The following EFCAB7 variants were observed in gnomAD, a reference collection of about 807,000 sequenced individuals.
The protein encoded by EFCAB7 is EF-hand calcium-binding domain-containing protein 7.
Under a neutral mutation model 77.1 loss-of-function variants are expected in EFCAB7, and 66 were observed. The observed-to-expected ratio is 0.86, with a 90% confidence interval of 0.70 to 1.05. The LOEUF is 1.05. EFCAB7 is among the 50% of genes least tolerant of loss of function. EFCAB7 has a pLI of 0.00. For missense variants in EFCAB7, 638 were observed against 730.5 expected, an observed-to-expected ratio of 0.87 and a Z score of 1.46; for synonymous variants, 225 against 243.3, an observed-to-expected ratio of 0.92 and a Z score of 0.70.
At chr1:63,584,803 T>A in the EFCAB7 span, among the ~76,000 whole-genome samples, 3 of 152,230 alleles carry the variant, frequency 2.0e-5, no homozygotes, top group Non-Finnish European at 4.4e-5. Context: ...ATAAGGCTTC[T>A]GGTCAACATA....
the EFCAB7 span, among the ~76,000 whole-genome samples, chr1:63,582,701 G>A: frequency 1.3e-5 from 2 of 152,268 alleles, no homozygotes; most frequent in South Asian, 2.1e-4. Flanking sequence ...TCTGCCTTCT[G>A]GGTTTAAGCA....
intron 2 of EFCAB7, 83 bp from the exon 3 acceptor site, chr1:63,531,737 A>T: frequency 1.8e-6 from 2 of 1,118,802 alleles, no homozygotes; most frequent in Non-Finnish European, 2.6e-6. Context: ...ATATCATAAT[A>T]CATAATGATT....
the EFCAB7 span, among the ~76,000 whole-genome samples, chr1:63,579,425 T>C: frequency 6.6e-6 from 1 of 152,210 alleles, no homozygotes; most frequent in Non-Finnish European, 1.5e-5. Flanking sequence ...AGTATTTTAT[T>C]ATATGATTGT....
At chr1:63,582,961 GTTTGATAATT>G in the EFCAB7 span, among the ~76,000 whole-genome samples, 1 of 152,216 alleles carries the variant, frequency 6.6e-6, no homozygotes, top group African/African-American at 2.4e-5. Context: ...GCAAAGGATG[GTTTGATAATT>G]TTTGAAAGAG....
chr1:63,552,413 AT>A (rs1646976706), intron 8 of EFCAB7, among the ~76,000 whole-genome samples: 1 of 152,120 alleles, frequency 6.6e-6, no homozygotes, highest in African/African-American at 2.4e-5. Context: ...TTTTCCCTAA[AT>A]GCAAGCAATT....
intron 6 of EFCAB7, among the ~76,000 whole-genome samples, chr1:63,541,055 A>C (rs1646823228): frequency 6.6e-6 from 1 of 152,326 alleles, no homozygotes; most frequent in African/African-American, 2.4e-5. Context: ...CAGAGTTATG[A>C]GAATAGGAGA....
chr1:63,575,137 A>G (rs1647375902), downstream of EFCAB7, among the ~76,000 whole-genome samples: 1 of 152,176 alleles, frequency 6.6e-6, no homozygotes, highest in Admixed American at 6.5e-5. Flanking sequence ...ATAGACTTAC[A>G]TGATCACTGT....
At chr1:63,525,789 C>T in intron 2 of EFCAB7, 30 bp downstream of exon 2, 1 of 1,440,334 alleles carries the variant, frequency 6.9e-7, no homozygotes, top group Non-Finnish European at 9.3e-7. Flanking sequence ...AAATCTTTCA[C>T]CTTTTTGTTG....
intron 2 of EFCAB7, among the ~76,000 whole-genome samples, chr1:63,526,490 A>AT (rs1280141597): frequency 1.3e-5 from 2 of 152,182 alleles, no homozygotes; most frequent in African/African-American, 4.8e-5. Flanking sequence ...AAACCCTGAC[A>AT]TATTTGTGCA....
At position 63,565,358 on chromosome 1, in the gene EFCAB7, CA is replaced by C. The variant is rs368587363; in HGVS notation, c.1498-2941del. Among the ~76,000 whole-genome samples, 35 of 129,246 alleles carry C rather than the reference CA, an allele frequency of 2.7e-4. No individual in the cohort carries two copies. The East Asian group carries it at 3.1e-3, about 12-fold the overall frequency. 84.8% of individuals were successfully genotyped at this position (129,246 alleles called of 152,430 possible). On this transcript the variant is annotated intron_variant, in intron 11 of 13. Transcript: ENST00000371088. ...TGGGCGAGAGTGCGAGACTCCGTCT[CA>C]AAAAAAAAAACAACAACAACAAAAA...
chr1:63,553,476 A>G (rs951451463), intron 8 of EFCAB7, among the ~76,000 whole-genome samples: 1 of 152,154 alleles, frequency 6.6e-6, no homozygotes, highest in Non-Finnish European at 1.5e-5. Context: ...AGTAGCTGGG[A>G]CTACAGGCGT....
At chr1:63,528,170 A>G (rs1365392803) in intron 2 of EFCAB7, among the ~76,000 whole-genome samples, 3 of 152,242 alleles carry the variant, frequency 2.0e-5, no homozygotes, top group East Asian at 1.9e-4. Flanking sequence ...TTTGGAAGCA[A>G]CGTAAGAGTT....
chr1:63,570,226 TTTATAG>T (rs1647221943), intron 12 of EFCAB7: 1 of 152,214 alleles, frequency 6.6e-6, no homozygotes, highest in Admixed American at 6.5e-5. Context: ...TACTACCCCC[TTTATAG>T]TCATTAGGGT....
Position 63,568,804 on chromosome 1 carries a change from AGTTT to A in EFCAB7, c.1707+290_1707+293del, listed in dbSNP as rs143382059. ...AATCTGGGTACAAAGTATTTTATTT[AGTTT>A]GTTTCTAAAAGTTTTTATGTATACA... is the stretch of plus-strand genomic sequence containing the variant. On this transcript the variant is annotated intron_variant, in intron 12 of 13. Transcript: ENST00000371088. 2,204 of 230,386 alleles carry A rather than the reference AGTTT, an allele frequency of 9.6e-3. 23 individuals are homozygous for A. Among genetic ancestry groups the A allele is most frequent in the Non-Finnish European group, 0.015 (1,752 of 119,890 alleles). The allele number at this position is 230,386 out of a possible 1,614,324, so 14.3% of individuals were successfully genotyped here.
intron 6 of EFCAB7, among the ~76,000 whole-genome samples, chr1:63,540,363 C>CAAAAAA (rs758025864): frequency 2.3e-5 from 1 of 44,350 alleles, no homozygotes; most frequent in Non-Finnish European, 5.0e-5. Context: ...GACTCCATCT[C>CAAAAAA]AAAAAAAAAA....
chr1:63,527,687 A>G (rs1456079817), intron 2 of EFCAB7, among the ~76,000 whole-genome samples: 1 of 152,202 alleles, frequency 6.6e-6, no homozygotes, highest in Non-Finnish European at 1.5e-5. Context: ...GTTAGTAGGA[A>G]ATAGATTGTA....
At chr1:63,536,283 A>G (rs1557673483) in intron 6 of EFCAB7, among the ~76,000 whole-genome samples, 1 of 151,978 alleles carries the variant, frequency 6.6e-6, no homozygotes, top group Non-Finnish European at 1.5e-5. Context: ...CTTGCTATCT[A>G]TTTCTTAGAT....
chr1:63,524,272 A>T (rs1220405255), intron 1 of EFCAB7, among the ~76,000 whole-genome samples: 1 of 152,152 alleles, frequency 6.6e-6, no homozygotes, highest in Non-Finnish European at 1.5e-5. Context: ...TTGTGAGGAG[A>T]TGCATGCACA....
At chr1:63,530,885 AT>A (rs1215804420) in intron 2 of EFCAB7, among the ~76,000 whole-genome samples, 1 of 152,134 alleles carries the variant, frequency 6.6e-6, no homozygotes, top group African/African-American at 2.4e-5. Context: ...AAATTCACAC[AT>A]TGTATGTATT....
Sources: allele counts gnomAD v4.1 joint callset (sites outside exome capture counted in the v4.1 genomes callset), GRCh38; gene constraint gnomAD v4.1.1; transcripts MANE v1.5; gene names NCBI Gene and HGNC (gene_info 2026-07-23, HGNC 2026-07-21).